Variants in GYS2 observed in about 807,000 individuals in gnomAD.
GYS2 encodes the protein glycogen synthase 2.
A neutral mutation model predicts 85.6 loss-of-function variants in GYS2; 80 were observed. That is an observed-to-expected ratio of 0.93 (90% CI 0.78 to 1.13). The LOEUF is 1.13. Among genes scored for constraint, GYS2 ranks in the 50% most tolerant of loss-of-function variants. The pLI is 0.00. For missense variants in GYS2, 881 were observed against 854.9 expected (o/e 1.03, Z -0.38); for synonymous variants, 328 against 300.7 (o/e 1.09, Z -0.94).
intron 4 of GYS2, among the ~76,000 whole-genome samples, chr12:21,573,651 T>G (rs796904739): frequency 5.9e-5 from 9 of 152,292 alleles, no homozygotes; most frequent in African/African-American, 2.2e-4. Flanking sequence ...CATTGCAAAG[T>G]TACAGGGAAA....
In GYS2 at chr12:21,536,855, T is replaced by C. The variant is rs904037751; in HGVS notation, c.*99A>G. The C allele has an allele frequency of 2.5e-6, 2 of 815,962 alleles. No individual in the cohort carries two copies. Among genetic ancestry groups the C allele is most frequent in the African/African-American group, 1.7e-5 (1 of 58,908 alleles). The allele number at this position is 815,962 out of a possible 1,614,324, so 50.5% of individuals were successfully genotyped here. ...AGGCAGAGAATAAACTCCATTGTAA[T>C]ACTTAGAAGGAGAAAATGAAATTTG... On this transcript the variant is annotated 3_prime_UTR_variant, in exon 16 of 16. Transcript: ENST00000261195.
At chr12:21,579,564 T>C (rs1041743240) in intron 2 of GYS2, among the ~76,000 whole-genome samples, 7 of 152,120 alleles carry the variant, frequency 4.6e-5, no homozygotes, top group Non-Finnish European at 7.4e-5. Context: ...TTTCACCACG[T>C]TGACCAGGCT....
At chr12:21,579,747 T>C (rs75940128) in intron 2 of GYS2, among the ~76,000 whole-genome samples, 2,751 of 152,244 alleles carry the variant, frequency 0.018, 30 homozygotes, top group Non-Finnish European at 0.024. Context: ...TCTGCTTTCA[T>C]TGGCACATCT....
downstream of GYS2, chr12:21,532,790 C>G (rs1350371596): frequency 6.6e-6 from 1 of 152,132 alleles, no homozygotes; most frequent in Admixed American, 6.5e-5. Flanking sequence ...TACAACTAAC[C>G]AGAACAATCT....
rs1270255433 is a variant in GYS2 at position 21,569,007 on chromosome 12, A to G, written c.681T>C (p.Phe227=). 8 of 1,614,072 alleles carry G rather than the reference A, an allele frequency of 5.0e-6. No homozygotes were observed. In the South Asian group the frequency reaches 8.8e-5, roughly 18 times the overall value. Reference sequence around the variant, plus strand: ...TTTCCCCAGCCTCTTTGTCAATGTTAAACTGTTAGAAACAAAAATAAAACA... The same window carrying G: ...TTTCCCCAGCCTCTTTGTCAATGTTGAACTGTTAGAAACAAAAATAAAACA... ...NIDFYNHLDK[F]NIDKEAGERQ... The change falls in exon 5 of 16, where the codon TTT becomes TTC. Residue 227 remains phenylalanine (F), a splice_region_variant and synonymous_variant. Coordinates refer to ENST00000261195, the MANE Select transcript of GYS2 (RefSeq NM_021957.4).
At chr12:21,585,878 G>A (rs1038331394) in intron 1 of GYS2, among the ~76,000 whole-genome samples, 12 of 152,148 alleles carry the variant, frequency 7.9e-5, no homozygotes, top group Admixed American at 3.3e-4. Context: ...ATGGGGATTG[G>A]TGCATTTTCA....
At chr12:21,563,464 A>G (rs751457488) in intron 5 of GYS2, 119 bp from the exon 6 acceptor site, 2 of 647,438 alleles carry the variant, frequency 3.1e-6, no homozygotes, top group Non-Finnish European at 5.5e-6. Flanking sequence ...CTTTCTGACT[A>G]CCATAAAATT....
intron 1 of GYS2, among the ~76,000 whole-genome samples, chr12:21,586,300 C>A (rs2136920881): frequency 6.6e-6 from 1 of 152,268 alleles, no homozygotes; most frequent in South Asian, 2.1e-4. Context: ...ACTCCAAGTC[C>A]TTCAGCTTTG....
chr12:21,574,952 T>C (rs1221807017), intron 3 of GYS2, among the ~76,000 whole-genome samples: 1 of 152,094 alleles, frequency 6.6e-6, no homozygotes, highest in Non-Finnish European at 1.5e-5. Context: ...ATATCATTTT[T>C]TTCTAATAGA....
At position 21,546,346 on chromosome 12, in the gene GYS2, G is replaced by A. The variant is rs1297801719; in HGVS notation, c.1547C>T (p.Pro516Leu). 6.3e-7 allele frequency: 1 copy of A among 1,599,160 alleles called. No individual in the cohort carries two copies. Among genetic ancestry groups the A allele is most frequent in the East Asian group, 2.2e-5 (1 of 44,738 alleles). The change falls in exon 12 of 16, where the codon CCA becomes CTA. Residue 516 changes from proline (P) to leucine (L), a missense_variant and splice_region_variant. Coordinates refer to ENST00000261195, the MANE Select transcript of GYS2 (RefSeq NM_021957.4). Reference protein sequence around the residue: ...PSYYEPWGYTPAECTVMGIPS... With the variant: ...PSYYEPWGYTLAECTVMGIPS... ...CACACTCTATACATGACACATACCT[G>A]GAGTATAACCCCAGGGTTCATAGTA...
intron 7 of GYS2, among the ~76,000 whole-genome samples, chr12:21,561,151 G>C (rs1275469979): frequency 2.6e-5 from 4 of 152,108 alleles, no homozygotes; most frequent in African/African-American, 9.7e-5. Flanking sequence ...TGTACAATAG[G>C]CATTTCTCTC....
At chr12:21,578,824 C>T (rs1196407198) in intron 2 of GYS2, among the ~76,000 whole-genome samples, 2 of 152,058 alleles carry the variant, frequency 1.3e-5, no homozygotes, top group Non-Finnish European at 2.9e-5. Flanking sequence ...TTATTCTGAG[C>T]TTTTAGCTTT....
chr12:21,552,047 G>C (rs1268304917), intron 11 of GYS2, among the ~76,000 whole-genome samples: 1 of 152,140 alleles, frequency 6.6e-6, no homozygotes, highest in Non-Finnish European at 1.5e-5. Context: ...AATTGCAGAA[G>C]CCCAGGGATG....
chr12:21,534,601 AAG>A (rs535218006), downstream of GYS2, among the ~76,000 whole-genome samples: 97 of 152,046 alleles, frequency 6.4e-4, 1 homozygote, highest in South Asian at 8.1e-3. Context: ...AGAAAGAAAA[AAG>A]AGAGAAGGTA....
At chr12:21,571,281 AT>A (rs1318450410) in intron 4 of GYS2, among the ~76,000 whole-genome samples, 1 of 152,172 alleles carries the variant, frequency 6.6e-6, no homozygotes, top group Non-Finnish European at 1.5e-5. Flanking sequence ...CAGAAACCTT[AT>A]CCGTTTACAC....
intron 5 of GYS2, among the ~76,000 whole-genome samples, chr12:21,566,779 T>C (rs976418610): frequency 3.9e-5 from 6 of 152,174 alleles, no homozygotes; most frequent in African/African-American, 1.4e-4. Context: ...GTCACACAGC[T>C]AGTAACGTAT....
intron 2 of GYS2, 90 bp from the exon 3 acceptor site, chr12:21,576,147 A>T (rs2136906764): frequency 2.1e-6 from 2 of 966,020 alleles, no homozygotes; most frequent in East Asian, 4.8e-5. Context: ...AACTTTATGT[A>T]GTACTCAATA....
intron 11 of GYS2, among the ~76,000 whole-genome samples, chr12:21,547,832 T>A (rs1027283321): frequency 1.3e-5 from 2 of 152,032 alleles, no homozygotes; most frequent in African/African-American, 2.4e-5. Flanking sequence ...ATGCTGATAA[T>A]GGGGGAGTCT....
At chr12:21,553,746 A>G (rs754540150) in intron 11 of GYS2, among the ~76,000 whole-genome samples, 1 of 152,126 alleles carries the variant, frequency 6.6e-6, no homozygotes, top group Non-Finnish European at 1.5e-5. Context: ...TAACATTAAC[A>G]CTAATATATT....
Sources: gnomAD v4.1 joint callset for allele counts (sites outside exome capture counted in the v4.1 genomes callset) on GRCh38, gnomAD v4.1.1 for gene constraint, MANE v1.5 for transcripts, NCBI Gene and HGNC (gene_info 2026-07-23, HGNC 2026-07-21) for gene names.